GSAP: variants seen among roughly 807,000 people sequenced by gnomAD.
GSAP encodes gamma-secretase activating protein.
A neutral mutation model predicts 131.7 loss-of-function variants in GSAP; 118 were observed. The ratio of observed to expected loss-of-function variants is 0.90; its 90% CI spans 0.77 to 1.04. The LOEUF is 1.04. GSAP is among the 50% of genes least tolerant of loss of function. The pLI, the probability that GSAP is intolerant of heterozygous loss-of-function variation, is 0.00. For synonymous variants in GSAP, 381 were observed against 363.4 expected (o/e 1.05, Z -0.55); for missense variants, 1,019 against 1,013.2 (o/e 1.01, Z -0.08).
At chr7:77,408,362 C>G (rs1048556432) in intron 1 of GSAP, among the ~76,000 whole-genome samples, 2 of 152,136 alleles carry the variant, frequency 1.3e-5, no homozygotes, top group Non-Finnish European at 2.9e-5. Flanking sequence ...GTAATTATCA[C>G]TAATTGGGCA....
chr7:77,312,243 C>A, intron 28 of GSAP, 41 bp from the exon 29 acceptor site: 1 of 925,636 alleles, frequency 1.1e-6, no homozygotes. Flanking sequence ...ATACCACACA[C>A]TATATTAAGT....
chr7:77,349,251 C>T (rs1346904857), intron 19 of GSAP, 100 bp downstream of exon 19: 2 of 921,060 alleles, frequency 2.2e-6, no homozygotes, highest in Non-Finnish European at 3.6e-6. Context: ...CCCTCCCCTC[C>T]CCTGCCAATT....
At chr7:77,330,739 G>T (rs1789008606) in intron 19 of GSAP, 3 of 987,920 alleles carry the variant, frequency 3.0e-6, no homozygotes, top group Non-Finnish European at 3.6e-6. Flanking sequence ...TGACTTAGGT[G>T]GTGTCAACAG....
At position 77,311,211 on chromosome 7, in the gene GSAP, T is replaced by C. The variant is rs554314942; in HGVS notation, c.*147A>G. 2.9e-4 allele frequency: 179 copies of C among 616,130 alleles called. No homozygotes were observed. The East Asian group carries it at 4.8e-3, about 17-fold the overall frequency. 38.2% of individuals were successfully genotyped at this position (616,130 alleles called of 1,614,324 possible). A position where few individuals can be genotyped will look rare whatever the true frequency, so the allele number is the denominator to read the frequency against. The stretch of plus-strand genomic sequence containing the variant: ...GTGATACAGCAGTTCTGTCTGAACG[T>C]GTACCAACCTGAAACTCACATGGCT... On this transcript the variant is annotated 3_prime_UTR_variant, in exon 31 of 31. Coordinates refer to ENST00000257626, the MANE Select transcript of GSAP (RefSeq NM_017439.4).
At chr7:77,386,881 T>A (rs1439132428) in intron 6 of GSAP, among the ~76,000 whole-genome samples, 1 of 152,228 alleles carries the variant, frequency 6.6e-6, no homozygotes, top group Non-Finnish European at 1.5e-5. Flanking sequence ...ACTATAAGTG[T>A]TTAATTTAGG....
chr7:77,404,584 T>C lies in GSAP; in HGVS notation c.218A>G (p.Tyr73Cys). ...CTCATTTTGTCTGGTTTGACAATCATATAATCCAAAGACGACATTTCCCTT... is the reference window on the plus strand; with the variant it reads ...CTCATTTTGTCTGGTTTGACAATCACATAATCCAAAGACGACATTTCCCTT... Reference protein sequence around the residue: ...DDKGNVVFGLYDCQTRQNELL... With the variant: ...DDKGNVVFGLCDCQTRQNELL... The change falls in exon 3 of 31, where the codon TAT (tyrosine) becomes TGT (cysteine). Residue 73 changes from tyrosine to cysteine, a missense_variant. Physicochemically the swap from Tyr to Cys is radical, Grantham distance 194 (BLOSUM62 -2). Transcript: ENST00000257626. 1.3e-6 allele frequency: 2 copies of C among 1,560,080 alleles called. No individual in the cohort carries two copies. Among genetic ancestry groups the C allele is most frequent in the Non-Finnish European group, 1.8e-6 (2 of 1,132,712 alleles).
intron 3 of GSAP, among the ~76,000 whole-genome samples, chr7:77,399,607 T>C (rs1269259772): frequency 6.6e-6 from 1 of 151,928 alleles, no homozygotes; most frequent in East Asian, 1.9e-4. Flanking sequence ...ACCGTGCTTA[T>C]GCTTATCCCA....
intron 5 of GSAP, among the ~76,000 whole-genome samples, chr7:77,396,461 G>A (rs1800411309): frequency 6.6e-6 from 1 of 152,066 alleles, no homozygotes; most frequent in Admixed American, 6.6e-5. Flanking sequence ...CCCCCAGCAG[G>A]CACTCAATAC....
At chr7:77,389,130 G>A (rs1454737898) in intron 5 of GSAP, among the ~76,000 whole-genome samples, 1 of 151,888 alleles carries the variant, frequency 6.6e-6, no homozygotes, top group Non-Finnish European at 1.5e-5. Flanking sequence ...TATGTGGGGG[G>A]GAAAATGAAT....
At chr7:77,416,126 G>C in intron 1 of GSAP, 87 bp downstream of exon 1, 1 of 731,118 alleles carries the variant, frequency 1.4e-6, no homozygotes, top group Non-Finnish European at 2.0e-6. Context: ...CGACGCCCCG[G>C]GTTGCTCCCC....
intron 5 of GSAP, among the ~76,000 whole-genome samples, chr7:77,389,232 G>A (rs145948834): frequency 6.6e-6 from 1 of 151,872 alleles, no homozygotes; most frequent in East Asian, 1.9e-4. Flanking sequence ...ATGCGTGTGT[G>A]TATGTATGTG....
intron 1 of GSAP, among the ~76,000 whole-genome samples, chr7:77,413,574 G>A (rs1271746867): frequency 6.6e-6 from 1 of 152,194 alleles, no homozygotes; most frequent in Non-Finnish European, 1.5e-5. Context: ...GTCAATATGG[G>A]TAAATCTCAC....
At chr7:77,318,025 T>G (rs1175288569) in intron 26 of GSAP, among the ~76,000 whole-genome samples, 1 of 152,200 alleles carries the variant, frequency 6.6e-6, no homozygotes, top group African/African-American at 2.4e-5. Flanking sequence ...GTGTCATAAA[T>G]GCAGAGCAGC....
At chr7:77,329,438 G>A (rs373816698) in intron 20 of GSAP, 47 bp from the exon 21 acceptor site, 65 of 1,101,434 alleles carry the variant, frequency 5.9e-5, no homozygotes, top group Non-Finnish European at 7.8e-5. Context: ...AGGTTTTATC[G>A]GTGACTTTTC....
At chr7:77,358,820 C>G (rs956705868) in intron 14 of GSAP, among the ~76,000 whole-genome samples, 1 of 152,142 alleles carries the variant, frequency 6.6e-6, no homozygotes, top group African/African-American at 2.4e-5. Context: ...AACAAAACCT[C>G]TAAACAAAAC....
intron 19 of GSAP, among the ~76,000 whole-genome samples, chr7:77,340,702 G>A (rs761140909): frequency 2.6e-5 from 4 of 152,208 alleles, no homozygotes; most frequent in East Asian, 1.9e-4. Flanking sequence ...TCGCTGCGGG[G>A]ACGCCTGCCT....
chr7:77,356,214 G>T (rs902826321), intron 14 of GSAP, among the ~76,000 whole-genome samples: 4 of 152,110 alleles, frequency 2.6e-5, no homozygotes, highest in Non-Finnish European at 4.4e-5. Flanking sequence ...TCCATCTTTG[G>T]CTAATTTTCT....
chr7:77,311,598 C>T, intron 30 of GSAP, 149 bp from the exon 31 acceptor site: 1 of 598,344 alleles, frequency 1.7e-6, no homozygotes, highest in Non-Finnish European at 3.0e-6. Context: ...TAAACTTCAG[C>T]ACCAAGAACA....
intron 26 of GSAP, among the ~76,000 whole-genome samples, chr7:77,316,595 T>G (rs1342407605): frequency 6.6e-6 from 1 of 152,204 alleles, no homozygotes; most frequent in African/African-American, 2.4e-5. Flanking sequence ...AGTAAAAAGT[T>G]ACAAAATTAT....
Sources: gnomAD v4.1 joint callset for allele counts (sites outside exome capture counted in the v4.1 genomes callset) on GRCh38, gnomAD v4.1.1 for gene constraint, MANE v1.5 for transcripts, NCBI Gene and HGNC (gene_info 2026-07-23, HGNC 2026-07-21) for gene names.